The following HKDC1 variants were observed in gnomAD, a reference collection of about 807,000 sequenced individuals.
HKDC1 encodes hexokinase domain containing 1.
Under a neutral mutation model 96.6 loss-of-function variants are expected in HKDC1, and 66 were observed. The observed-to-expected ratio is 0.68, with a 90% CI of 0.56 to 0.84. The LOEUF (loss-of-function observed/expected upper bound fraction) is 0.84. Ranked by LOEUF, HKDC1 falls within the 40% of genes least tolerant of loss-of-function variation. The pLI, the probability that HKDC1 is intolerant of heterozygous loss-of-function variation, is 0.00. For missense variants in HKDC1, 1,211 were observed against 1,208.1 expected, an observed-to-expected ratio of 1.00 and a Z score of -0.04; for synonymous variants, 466 against 473.1, an observed-to-expected ratio of 0.98 and a Z score of 0.20.
At position 69,266,667 on chromosome 10, in the gene HKDC1, A is replaced by G. The variant is rs144788397; in HGVS notation, c.2664A>G (p.Thr888=). Residue 888 remains threonine, a synonymous_variant, in exon 18 of 18, where the codon ACA becomes ACG. Coordinates refer to ENST00000354624, the MANE Select transcript of HKDC1 (RefSeq NM_025130.4). ...AACTAGCCCCTCGATGTGATGTGAC[A>G]TTCATGCTGTCAGAAGATGGCAGTG... The part of the protein sequence containing the change: ...VKELAPRCDV[T]FMLSEDGSGK... The G allele has an allele frequency of 6.2e-7, 1 of 1,614,102 alleles. No homozygotes were observed.
At chr10:69,253,658 T>G (rs1218251773) in intron 12 of HKDC1, among the ~76,000 whole-genome samples, 1 of 152,200 alleles carries the variant, frequency 6.6e-6, no homozygotes, top group Middle Eastern at 3.2e-3. Context: ...TGGCAGGCAC[T>G]CAAATCCTAG....
rs1843913293 is a variant in HKDC1, at chr10:69,267,028, T to C, written c.*271T>C. 3 of 317,684 alleles carry C rather than the reference T, an allele frequency of 9.4e-6. No individual in the cohort carries two copies. Among genetic ancestry groups the C allele is most frequent in the Non-Finnish European group, 1.7e-5 (3 of 172,584 alleles). The allele number at this position is 317,684 out of a possible 1,614,324, so 19.7% of individuals were successfully genotyped here. A position where few individuals can be genotyped will look rare whatever the true frequency, so the allele number is the denominator to read the frequency against. On this transcript the variant is annotated 3_prime_UTR_variant, in exon 18 of 18. Coordinates refer to ENST00000354624, the MANE Select transcript of HKDC1 (RefSeq NM_025130.4). ...GAGAGATCCCCTTTCAACACATTGT[T>C]CAGGTGAGGCTTGAGCTGTCAATTC...
chr10:69,224,274 T>C (rs1300567258), intron 1 of HKDC1, among the ~76,000 whole-genome samples: 1 of 151,850 alleles, frequency 6.6e-6, no homozygotes, highest in East Asian at 1.9e-4. Flanking sequence ...GTTTTATTTT[T>C]ATTTATTTAT....
At chr10:69,257,561 G>A in intron 14 of HKDC1, 135 bp downstream of exon 14, 5 of 732,006 alleles carry the variant, frequency 6.8e-6, no homozygotes, top group Non-Finnish European at 1.2e-5. Flanking sequence ...TTACAATTGG[G>A]ATTCCAGGTC....
chr10:69,240,765 A>G lies in HKDC1; in HGVS notation c.691+14A>G. 6.2e-7 allele frequency: 1 copy of G among 1,606,424 alleles called. No individual in the cohort carries two copies. The highest frequency in any genetic ancestry group is 8.5e-7 in the Non-Finnish European group (1 of 1,173,188). ...GTGTCATCATCGGTAACTCAATTGG[A>G]CTGGTTTTTTGAGGGTAGGGGAGAA... On this transcript the variant is annotated intron_variant, in intron 6 of 17. Coordinates refer to ENST00000354624, the MANE Select transcript of HKDC1 (RefSeq NM_025130.4).
At chr10:69,222,108 A>G (rs145059728) in intron 1 of HKDC1, among the ~76,000 whole-genome samples, 2,973 of 152,132 alleles carry the variant, frequency 0.02, 85 homozygotes, top group African/African-American at 0.068. Flanking sequence ...TGTAATCCCA[A>G]CTACTCAGAA....
At position 69,246,370 on chromosome 10, in the gene HKDC1, C is replaced by T. The variant is rs547514123; in HGVS notation, c.1031+136C>T. On this transcript the variant is annotated intron_variant, in intron 8 of 17. Transcript: ENST00000354624. ...AGGAAGATTTCAGACCTGGGCATGG[C>T]TTCAGATGGGTTAGCAATTTCTGCC... 2.1e-5 allele frequency: 20 copies of T among 934,420 alleles called. No homozygotes were observed. The South Asian group carries it at 3.1e-4, about 15-fold the overall frequency. 57.9% of individuals were successfully genotyped at this position (934,420 alleles called of 1,614,324 possible). A position where few individuals can be genotyped will look rare whatever the true frequency, so the allele number is the denominator to read the frequency against.
intron 12 of HKDC1, among the ~76,000 whole-genome samples, chr10:69,255,656 C>T (rs573090817): frequency 1.3e-5 from 2 of 152,254 alleles, no homozygotes; most frequent in African/African-American, 2.4e-5. Flanking sequence ...TCGGCTCACC[C>T]CTGTAATCTC....
At chr10:69,235,157 C>T (rs565147495) in intron 4 of HKDC1, among the ~76,000 whole-genome samples, 1 of 152,210 alleles carries the variant, frequency 6.6e-6, no homozygotes, top group East Asian at 1.9e-4. Flanking sequence ...TGCGGTGGTT[C>T]ATGCCTGTAA....
intron 5 of HKDC1, 133 bp from the exon 6 acceptor site, chr10:69,240,519 T>C (rs1467197397): frequency 1.5e-5 from 10 of 663,572 alleles, no homozygotes; most frequent in Non-Finnish European, 2.4e-5. Flanking sequence ...CCTTGCTCCT[T>C]CAGACAGGCC....
In HKDC1 at chr10:69,257,107, C is replaced by G. The variant is rs752502910; in HGVS notation, c.1908C>G (p.Leu636=). Residue 636 remains leucine (L), a synonymous_variant, in exon 13 of 18, where the codon CTC becomes CTG. Transcript: ENST00000354624. ...DCEGEDVVDM[L]REAIKRRNEF... is the part of the protein sequence containing the mutation. Reference sequence around the variant, plus strand: ...AAGGGGAGGACGTGGTGGACATGCTCAGGGAAGCCATCAAGAGGAGAAACG... The same window carrying G: ...AAGGGGAGGACGTGGTGGACATGCTGAGGGAAGCCATCAAGAGGAGAAACG... 6.2e-7 allele frequency: 1 copy of G among 1,614,028 alleles called. No individual in the cohort carries two copies.
rs200387516 is a variant in HKDC1, at chr10:69,267,282, AC to A, written c.*526del. 0.023 allele frequency: 7,620 copies of A among 338,552 alleles called. 184 individuals carry two copies. The highest frequency in any genetic ancestry group is 0.055 in the South Asian group (2,267 of 40,904). 21.0% of individuals were successfully genotyped at this position (338,552 alleles called of 1,614,324 possible). ...TGTTGACTTCAAACCTATTAAGAGA[AC>A]AAAGACTTTGAAGTATCCAGCCCCA... is the stretch of plus-strand genomic sequence containing the variant. On this transcript the variant is annotated 3_prime_UTR_variant, in exon 18 of 18. Coordinates refer to ENST00000354624, the MANE Select transcript of HKDC1 (RefSeq NM_025130.4).
At chr10:69,254,322 T>G (rs75418370) in intron 12 of HKDC1, among the ~76,000 whole-genome samples, 2 of 151,700 alleles carry the variant, frequency 1.3e-5, no homozygotes, top group Admixed American at 6.6e-5. Context: ...AAAAAAAAAA[T>G]TTTTTTAACC....
At chr10:69,243,445 C>T in intron 7 of HKDC1, 80 bp downstream of exon 7, 1 of 1,263,732 alleles carries the variant, frequency 7.9e-7, no homozygotes, top group Non-Finnish European at 1.1e-6. Flanking sequence ...ACCTGGGAGG[C>T]TTTCCAGTTG....
At chr10:69,259,780 A>G (rs10823326) in intron 15 of HKDC1, among the ~76,000 whole-genome samples, 43,753 of 152,084 alleles carry the variant, frequency 0.29, 6,441 homozygotes, top group Middle Eastern at 0.38. Flanking sequence ...GGCGTTACAC[A>G]CTATTAAAAT....
rs60016100 is a variant in HKDC1 at position 69,223,578 on chromosome 10, ATT to A, written c.63+3104_63+3105del. On this transcript the variant is annotated intron_variant, in intron 1 of 17. Transcript: ENST00000354624. Reference sequence around the variant, plus strand: ...GTTGTGTAACCATTACCACAATCTAATTTTTTTTTTTTTTTTTTTTTTTTTGA... The same window carrying A: ...GTTGTGTAACCATTACCACAATCTAATTTTTTTTTTTTTTTTTTTTTTTGA... Among the ~76,000 whole-genome samples the A allele has an allele frequency of 5.1e-3, 439 of 85,582 alleles. 2 individuals carry two copies. The highest frequency in any genetic ancestry group is 0.019 in the Middle Eastern group (2 of 106). The allele number at this position is 85,582 out of a possible 152,430, so 56.1% of individuals were successfully genotyped here.
chr10:69,261,025 C>A, intron 15 of HKDC1, 114 bp from the exon 16 acceptor site: 2 of 889,782 alleles, frequency 2.2e-6, no homozygotes, highest in Non-Finnish European at 3.5e-6. Context: ...TAGTATGTGG[C>A]AGAGCTAGGA....
chr10:69,244,096 G>A (rs1348973056), intron 7 of HKDC1, among the ~76,000 whole-genome samples: 1 of 152,078 alleles, frequency 6.6e-6, no homozygotes, highest in Non-Finnish European at 1.5e-5. Context: ...CTCAGCAAGT[G>A]GTGACTCTGG....
chr10:69,242,211 C>G (rs902257277), intron 6 of HKDC1, among the ~76,000 whole-genome samples: 4 of 152,206 alleles, frequency 2.6e-5, no homozygotes, highest in Admixed American at 2.6e-4. Flanking sequence ...TTTCCAGGAG[C>G]CTCAGAATGG....
Sources: allele counts gnomAD v4.1 joint callset (sites outside exome capture counted in the v4.1 genomes callset), GRCh38; gene constraint gnomAD v4.1.1; transcripts MANE v1.5; gene names NCBI Gene and HGNC (gene_info 2026-07-23, HGNC 2026-07-21).